The following WNK2 variants were observed in gnomAD, a reference collection of about 807,000 sequenced individuals.
The protein encoded by WNK2 is WNK lysine deficient protein kinase 2, also known as serine/threonine-protein kinase WNK2.
Under a neutral mutation model 192.1 loss-of-function variants are expected in WNK2, and 67 were observed. That is an observed-to-expected ratio of 0.35 (90% CI 0.29 to 0.43). WNK2 has a LOEUF of 0.43. WNK2 is among the 20% of genes least tolerant of loss of function. WNK2 has a pLI of 1.00. For missense variants in WNK2, 2,698 were observed against 3,089.7 expected, an observed-to-expected ratio of 0.87 and a Z score of 3.01; for synonymous variants, 1,439 against 1,393.9, an observed-to-expected ratio of 1.03 and a Z score of -0.72.
At chr9:93,285,084 G>T (rs1383066886) in intron 19 of WNK2, among the ~76,000 whole-genome samples, 2 of 152,124 alleles carry the variant, frequency 1.3e-5, no homozygotes, top group Non-Finnish European at 2.9e-5. Context: ...TTTTTGTTAA[G>T]AATTTGGACA....
In WNK2 at chr9:93,229,770, C is replaced by T. The variant is rs769474904; in HGVS notation, c.756C>T (p.Pro252=). The change falls in exon 3 of 30, where the codon CCC becomes CCT. Residue 252 remains proline (P), a synonymous_variant. Transcript: ENST00000427277. This position sits in a 1 kb window ranked among gnomAD's most constrained non-coding sequence, Gnocchi z 4.9. The part of the protein sequence containing the change: ...EAEMLKGLQH[P]NIVRFYDFWE... ...AGATGCTGAAAGGCCTGCAGCACCC[C>T]AACATCGTGCGCTTCTACGACTTCT... 6.2e-7 allele frequency: 1 copy of T among 1,613,862 alleles called. No homozygotes were observed. The highest frequency in any genetic ancestry group is 1.1e-5 in the South Asian group (1 of 91,060).
chr9:93,239,648 C>T lies in WNK2; in HGVS notation c.1323-109C>T. The T allele has an allele frequency of 1.1e-6, 1 of 942,860 alleles. No individual in the cohort carries two copies. Among genetic ancestry groups the T allele is most frequent in the Non-Finnish European group, 1.6e-6 (1 of 632,740 alleles). 58.4% of individuals were successfully genotyped at this position (942,860 alleles called of 1,614,324 possible). On this transcript the variant is annotated intron_variant, in intron 6 of 29. Coordinates refer to ENST00000427277, the MANE Select transcript of WNK2 (RefSeq NM_006648.4). The surrounding 1 kb of genome is among the most constrained non-coding windows in gnomAD (Gnocchi z 4.2). ...AGTGCTGAGACATGAGGCCTGGCCT[C>T]AGGCTCCTGCAGGTGTGCCTGTCCT...
At chr9:93,317,078 A>C (rs1854819826) in intron 28 of WNK2, 2 of 219,486 alleles carry the variant, frequency 9.1e-6, no homozygotes, top group South Asian at 6.7e-5. Context: ...CCTTGCCATC[A>C]CCTCCCTGCA....
rs1849371576 is a variant in WNK2, at chr9:93,291,657, C to T, written c.4937-651C>T. Among the ~76,000 whole-genome samples the T allele has an allele frequency of 2.0e-5, 3 of 152,314 alleles. No individual in the cohort carries two copies. In the South Asian group the frequency reaches 6.2e-4, roughly 32 times the overall value. On this transcript the variant is annotated intron_variant, in intron 21 of 29. Transcript: ENST00000427277. ...GTACATGTGCGGGCGGCCCCAACCT[C>T]CCCAGAGGCTCCATCCGCTGCTGCC...
Position 93,190,936 on chromosome 9 carries a change from A to G in WNK2, c.681+5326A>G, listed in dbSNP as rs138675204. ...AGACAGACCCAGATGGGGACAGTCT[A>G]TAGACCATCTTACAGCAAGGGAGAC... On this transcript the variant is annotated intron_variant, in intron 2 of 29. Coordinates refer to ENST00000427277, the MANE Select transcript of WNK2 (RefSeq NM_006648.4). Among the ~76,000 whole-genome samples the G allele has an allele frequency of 3.0e-3, 451 of 152,328 alleles. 3 individuals carry two copies. Among genetic ancestry groups the G allele is most frequent in the Non-Finnish European group, 4.4e-3 (298 of 68,006 alleles).
chr9:93,261,972 G>C lies in WNK2; in HGVS notation c.3225G>C (p.Thr1075=). 1 of 1,611,826 alleles carries C rather than the reference G, an allele frequency of 6.2e-7. No homozygotes were observed. Among genetic ancestry groups the C allele is most frequent in the Non-Finnish European group, 8.5e-7 (1 of 1,179,666 alleles). Residue 1075 remains threonine, a synonymous_variant, in exon 13 of 30, where the codon ACG becomes ACC. Transcript: ENST00000427277. The stretch of plus-strand genomic sequence containing the variant: ...CTCAGTTCCCCAGCTCCCTGGCCAC[G>C]GTGTCTGCCTCTGTGCAGAGTGTGC... ...LLPQFPSSLA[T]VSASVQSVPT...
intron 2 of WNK2, among the ~76,000 whole-genome samples, chr9:93,220,006 T>C (rs1836538485): frequency 6.6e-6 from 1 of 152,192 alleles, no homozygotes; most frequent in Admixed American, 6.5e-5. Flanking sequence ...GGATCCTCTC[T>C]TCCTCCAGGA....
rs918830839 is a variant in WNK2, at chr9:93,184,189, C to T, written c.-199C>T. 7.3e-5 allele frequency among the ~76,000 whole-genome samples: 11 copies of T among 150,316 alleles called. No individual in the cohort carries two copies. The East Asian group carries it at 2.2e-3, about 29-fold the overall frequency. On this transcript the variant is annotated 5_prime_UTR_variant, in exon 1 of 30. Transcript: ENST00000427277. Reference sequence around the variant, plus strand: ...GTGCGGGAGCGGAGCCGCGCGAAGCCGGCAGGAGCACGCGGGAGCGCGGCC... The same window carrying T: ...GTGCGGGAGCGGAGCCGCGCGAAGCTGGCAGGAGCACGCGGGAGCGCGGCC...
intron 2 of WNK2, among the ~76,000 whole-genome samples, chr9:93,201,960 T>C (rs1832444538): frequency 6.6e-6 from 1 of 152,212 alleles, no homozygotes; most frequent in African/African-American, 2.4e-5. Context: ...CCTTGGGGCC[T>C]GGCAAGGCTA....
Position 93,185,125 on chromosome 9 carries a change from C to A in WNK2, c.196C>A (p.Gln66Lys). Residue 66 changes from glutamine to lysine, a missense_variant, in exon 2 of 30, where the codon CAG becomes AAG. By Grantham distance (53) the Gln-to-Lys change is moderately conservative. This residue lies in a region of WNK2 where 260 missense variants were observed against 285.6 expected (regional missense o/e 0.91). Coordinates refer to ENST00000427277, the MANE Select transcript of WNK2 (RefSeq NM_006648.4). The part of the protein sequence containing the change: ...GLEAAEAPGP[Q>K]PPQPLQRRVL... ...GGAGGCAGCCGAGGCGCCGGGCCCG[C>A]AGCCCCCGCAGCCCCTGCAGCGCCG... 1 of 1,303,406 alleles carries A rather than the reference C, an allele frequency of 7.7e-7. No individual in the cohort carries two copies. The allele number at this position is 1,303,406 out of a possible 1,614,324, so 80.7% of individuals were successfully genotyped here. A position where few individuals can be genotyped will look rare whatever the true frequency, so the allele number is the denominator to read the frequency against.
intron 19 of WNK2, among the ~76,000 whole-genome samples, chr9:93,276,449 A>G (rs750717517): frequency 6.6e-6 from 1 of 152,268 alleles, no homozygotes; most frequent in Non-Finnish European, 1.5e-5. Flanking sequence ...AAGTGGATCA[A>G]ATGTAAAATG....
rs1182514843 is a variant in WNK2 at position 93,308,542 on chromosome 9, G to T, written c.6474G>T (p.Met2158Ile). 1.2e-6 allele frequency: 2 copies of T among 1,603,196 alleles called. No individual in the cohort carries two copies. Among genetic ancestry groups the T allele is most frequent in the African/African-American group, 2.7e-5 (2 of 74,796 alleles). Reference sequence around the variant, plus strand: ...AGCAGACCCAGAAGCTGCAAGACATGGAGGCCCAGGCAGGCTGGGCTGCCC... The same window carrying T: ...AGCAGACCCAGAAGCTGCAAGACATTGAGGCCCAGGCAGGCTGGGCTGCCC... ...QLKQTQKLQD[M>I]EAQAGWAAPG... Residue 2158 changes from methionine (M) to isoleucine (I), a missense_variant, in exon 28 of 30, where the codon ATG becomes ATT. By Grantham distance (10) the Met-to-Ile change is conservative. Coordinates refer to ENST00000427277, the MANE Select transcript of WNK2 (RefSeq NM_006648.4).
At chr9:93,187,971 G>T (rs570623198) in intron 2 of WNK2, among the ~76,000 whole-genome samples, 10 of 152,230 alleles carry the variant, frequency 6.6e-5, no homozygotes, top group Admixed American at 5.2e-4. Context: ...TCCTTCTCTA[G>T]GTGTGTTGGC....
In WNK2 at chr9:93,185,335, G is replaced by A; in HGVS notation, c.406G>A (p.Ala136Thr). 1 of 1,534,628 alleles carries A rather than the reference G, an allele frequency of 6.5e-7. No individual in the cohort carries two copies. The highest frequency in any genetic ancestry group is 8.7e-7 in the Non-Finnish European group (1 of 1,144,018). ...CCCCATCGCAGCCGCTGTCGAAACC[G>A]CGCCTGCCCCCGACGGCGGCCCCAG... Reference protein sequence around the residue: ...PDPIAAAVETAPAPDGGPREE... With the variant: ...PDPIAAAVETTPAPDGGPREE... The change falls in exon 2 of 30, where the codon GCG becomes ACG. Residue 136 changes from alanine (A) to threonine (T), a missense_variant. Ala to Thr is a moderately conservative substitution (Grantham distance 58). Transcript: ENST00000427277.
chr9:93,254,394 C>T (rs1378089007), intron 9 of WNK2, among the ~76,000 whole-genome samples: 2 of 152,196 alleles, frequency 1.3e-5, no homozygotes, highest in African/African-American at 4.8e-5. Context: ...GCGCTGTGGC[C>T]CGTCTTCTTG....
intron 23 of WNK2, among the ~76,000 whole-genome samples, chr9:93,295,588 A>G (rs541124318): frequency 9.2e-5 from 14 of 152,012 alleles, no homozygotes; most frequent in Non-Finnish European, 1.9e-4. Context: ...GGTGAAGGCA[A>G]GGGGTTACAG....
rs1267892197 is a variant in WNK2 at position 93,240,057 on chromosome 9, GA to G, written c.1542+82del. 2.1e-6 allele frequency: 3 copies of G among 1,429,710 alleles called. No individual in the cohort carries two copies. In the Admixed American group the frequency reaches 6.0e-5, roughly 29 times the overall value. 88.6% of individuals were successfully genotyped at this position (1,429,710 alleles called of 1,614,324 possible). Reference sequence around the variant, plus strand: ...CCAAGGATGAGAACAAAAGTGGGCTGAGGGGGCTTGCTCCGGAGGGGACTGC... The same window carrying G: ...CCAAGGATGAGAACAAAAGTGGGCTGGGGGGCTTGCTCCGGAGGGGACTGC... On this transcript the variant is annotated intron_variant, in intron 7 of 29. Coordinates refer to ENST00000427277, the MANE Select transcript of WNK2 (RefSeq NM_006648.4).
intron 2 of WNK2, among the ~76,000 whole-genome samples, chr9:93,221,660 A>G (rs1836906538): frequency 6.6e-6 from 1 of 152,252 alleles, no homozygotes; most frequent in Non-Finnish European, 1.5e-5. Flanking sequence ...ATAGTGATTC[A>G]GTTCTGAAGA....
At chr9:93,223,293 T>C (rs796900574) in intron 2 of WNK2, among the ~76,000 whole-genome samples, 6 of 152,302 alleles carry the variant, frequency 3.9e-5, no homozygotes, top group African/African-American at 1.2e-4. Flanking sequence ...TGCCTGGCCC[T>C]GTAGTGACAT....
Sources: gnomAD v4.1 joint callset for allele counts (sites outside exome capture counted in the v4.1 genomes callset) on GRCh38, gnomAD v4.1.1 for gene constraint, gnomAD v4.1.1 regional missense constraint, Gnocchi (gnomAD v3.1) non-coding constraint, MANE v1.5 for transcripts, NCBI Gene and HGNC (gene_info 2026-07-23, HGNC 2026-07-21) for gene names.